The following SLC7A14 variants were observed in gnomAD, a reference collection of about 807,000 sequenced individuals.
SLC7A14 encodes solute carrier family 7 member 14.
In SLC7A14, 37 loss-of-function variants were observed where a neutral mutation model predicts 60.2. The observed-to-expected ratio is 0.61, with a 90% confidence interval of 0.47 to 0.81. The LOEUF (loss-of-function observed/expected upper bound fraction) is 0.81. SLC7A14 is among the 30% of genes least tolerant of loss of function. The pLI is 0.00. For synonymous variants in SLC7A14, 399 were observed against 395.8 expected (o/e 1.01, Z -0.10); for missense variants, 886 against 982.7 (o/e 0.90, Z 1.32).
chr3:170,504,430 C>T (rs1712706473), intron 2 of SLC7A14, among the ~76,000 whole-genome samples: 1 of 152,046 alleles, frequency 6.6e-6, no homozygotes, highest in Admixed American at 6.5e-5. Context: ...AAGCCATTCT[C>T]CTGCCTCAGC....
intron 1 of SLC7A14, among the ~76,000 whole-genome samples, chr3:170,567,240 T>C (rs952827725): frequency 3.2e-4 from 47 of 148,368 alleles, no homozygotes; most frequent in African/African-American, 1.0e-3. Flanking sequence ...TTCCCACCTA[T>C]GAGTGAGAAT....
At position 170,550,732 on chromosome 3, in the gene SLC7A14, G is replaced by C. The variant is rs1379119601; in HGVS notation, c.-152-23644C>G. Among the ~76,000 whole-genome samples the C allele has an allele frequency of 3.3e-5, 5 of 151,766 alleles. No individual in the cohort carries two copies. The South Asian group carries it at 1.0e-3, about 32-fold the overall frequency. Reference sequence around the variant, plus strand: ...AGACGGGGTTTCACCATGTTGGCCAGGCTGGTCTCGAACTCCTGACCTCAG... The same window carrying C: ...AGACGGGGTTTCACCATGTTGGCCACGCTGGTCTCGAACTCCTGACCTCAG... On this transcript the variant is annotated intron_variant, in intron 1 of 7. Coordinates refer to ENST00000231706, the MANE Select transcript of SLC7A14 (RefSeq NM_020949.3).
At position 170,484,763 on chromosome 3, in the gene SLC7A14, G is replaced by C. The variant is rs140896461; in HGVS notation, c.907-1241C>G. On this transcript the variant is annotated intron_variant, in intron 5 of 7. Coordinates refer to ENST00000231706, the MANE Select transcript of SLC7A14 (RefSeq NM_020949.3). ...CAGTACAAGACCAAACAGCTCCTAG[G>C]GCGTGTTTAAGGCCTGTGCAGTATG... Among the ~76,000 whole-genome samples the C allele has an allele frequency of 2.1e-3, 317 of 152,232 alleles. 1 individual carries two copies. Among genetic ancestry groups the C allele is most frequent in the African/African-American group, 6.8e-3 (284 of 41,530 alleles).
intron 2 of SLC7A14, among the ~76,000 whole-genome samples, chr3:170,515,843 G>A (rs987622612): frequency 2.0e-5 from 3 of 152,136 alleles, no homozygotes; most frequent in African/African-American, 7.2e-5. Flanking sequence ...GACTTCTGAC[G>A]CAGGCCTGAT....
chr3:170,470,307 C>CGTGTGTGTGTGTGTGT (rs1553864040), intron 7 of SLC7A14, among the ~76,000 whole-genome samples: 1 of 39,904 alleles, frequency 2.5e-5, no homozygotes, highest in Admixed American at 2.0e-4. Flanking sequence ...CTGGAAGGAA[C>CGTGTGTGTGTGTGTGT]ATGTGTGTGT....
intron 2 of SLC7A14, among the ~76,000 whole-genome samples, chr3:170,506,721 T>A (rs1196313790): frequency 5.9e-5 from 9 of 152,198 alleles, no homozygotes; most frequent in Admixed American, 5.2e-4. Context: ...TGCTTCTCCC[T>A]CTCTAATTCT....
chr3:170,501,412 T>G, intron 2 of SLC7A14, 67 bp from the exon 3 acceptor site: 2 of 1,339,510 alleles, frequency 1.5e-6, no homozygotes, highest in Non-Finnish European at 2.1e-6. Context: ...TGGCCAACAA[T>G]CTTGGGTGGA....
intron 1 of SLC7A14, among the ~76,000 whole-genome samples, chr3:170,565,589 A>G (rs1220967828): frequency 6.6e-6 from 1 of 152,192 alleles, no homozygotes; most frequent in Non-Finnish European, 1.5e-5. Flanking sequence ...AGTTGTCTAC[A>G]ACATCCGGAA....
rs1712408652 is a variant in SLC7A14 at position 170,496,687 on chromosome 3, T to G, written c.759+1980A>C. ...TATCCATAGGAAGACCACCAGCGGCTATGCAGGTGGTCTGAGTTCCGCCTA... is the reference window on the plus strand; with the variant it reads ...TATCCATAGGAAGACCACCAGCGGCGATGCAGGTGGTCTGAGTTCCGCCTA... On this transcript the variant is annotated intron_variant, in intron 4 of 7. Coordinates refer to ENST00000231706, the MANE Select transcript of SLC7A14 (RefSeq NM_020949.3). The G allele has an allele frequency of 3.0e-6, 3 of 1,011,920 alleles. No individual in the cohort carries two copies. In the South Asian group the frequency reaches 3.8e-5, roughly 13 times the overall value. 62.7% of individuals were successfully genotyped at this position (1,011,920 alleles called of 1,614,324 possible). A position where few individuals can be genotyped will look rare whatever the true frequency, so the allele number is the denominator to read the frequency against.
intron 1 of SLC7A14, among the ~76,000 whole-genome samples, chr3:170,558,206 A>G (rs1449867335): frequency 6.6e-6 from 1 of 152,066 alleles, no homozygotes; most frequent in African/African-American, 2.4e-5. Flanking sequence ...CATCTCTACT[A>G]AAAATACAAA....
intron 2 of SLC7A14, among the ~76,000 whole-genome samples, chr3:170,512,320 AG>A (rs1713003981): frequency 6.6e-6 from 1 of 152,122 alleles, no homozygotes; most frequent in African/African-American, 2.4e-5. Flanking sequence ...GAAGATGACT[AG>A]GGAGGGGGAG....
intron 1 of SLC7A14, among the ~76,000 whole-genome samples, chr3:170,574,258 A>G (rs960244563): frequency 6.6e-6 from 1 of 152,228 alleles, no homozygotes; most frequent in Non-Finnish European, 1.5e-5. Flanking sequence ...TGATTTAAAA[A>G]AGTCTTTTAT....
rs531661678 is a variant in SLC7A14, at chr3:170,471,250, T to TA, written c.1994-3874dup. ...AATCCTTCCAGGTCTCCCCATGCCC[T>TA]AATCCAGGGCGCTTCTATCCCTCTT... On this transcript the variant is annotated intron_variant, in intron 7 of 7. Coordinates refer to ENST00000231706, the MANE Select transcript of SLC7A14 (RefSeq NM_020949.3). Among the ~76,000 whole-genome samples the TA allele has an allele frequency of 2.0e-5, 3 of 152,282 alleles. No individual in the cohort carries two copies. The South Asian group carries it at 6.2e-4, about 32-fold the overall frequency.
intron 1 of SLC7A14, among the ~76,000 whole-genome samples, chr3:170,574,608 T>A (rs921777341): frequency 1.3e-5 from 2 of 152,176 alleles, no homozygotes; most frequent in African/African-American, 4.8e-5. Context: ...AGAAAGTATG[T>A]CAAACTCTTC....
chr3:170,509,477 C>A (rs971219328), intron 2 of SLC7A14, among the ~76,000 whole-genome samples: 8 of 152,120 alleles, frequency 5.3e-5, no homozygotes, highest in Non-Finnish European at 1.0e-4. Flanking sequence ...AAGTCACCCC[C>A]CAAAACAGGT....
At chr3:170,484,254 G>A (rs939882744) in intron 5 of SLC7A14, among the ~76,000 whole-genome samples, 1 of 152,208 alleles carries the variant, frequency 6.6e-6, no homozygotes, top group Non-Finnish European at 1.5e-5. Context: ...AGAGGGAGAT[G>A]CGAGGGAGGA....
At chr3:170,581,567 C>G (rs527779064) in intron 1 of SLC7A14, among the ~76,000 whole-genome samples, 7 of 152,038 alleles carry the variant, frequency 4.6e-5, no homozygotes, top group Non-Finnish European at 8.8e-5. Context: ...CTTCACCGTT[C>G]CACTTTTCAG....
intron 4 of SLC7A14, among the ~76,000 whole-genome samples, chr3:170,491,098 G>A (rs531556572): frequency 1.4e-3 from 215 of 152,302 alleles, no homozygotes; most frequent in Middle Eastern, 3.4e-3. Context: ...ATATAGTCAT[G>A]AGCAAGTACC....
At chr3:170,567,167 C>T (rs1290623640) in intron 1 of SLC7A14, among the ~76,000 whole-genome samples, 39 of 118,644 alleles carry the variant, frequency 3.3e-4, no homozygotes, top group Non-Finnish European at 5.6e-4. Context: ...CCTCCCCCCA[C>T]CCCACAACAG....
Sources: allele counts gnomAD v4.1 joint callset (sites outside exome capture counted in the v4.1 genomes callset), GRCh38; gene constraint gnomAD v4.1.1; transcripts MANE v1.5; gene names NCBI Gene and HGNC (gene_info 2026-07-23, HGNC 2026-07-21).